The following EMP2 variants were observed in gnomAD, a reference collection of about 807,000 sequenced individuals.
The protein encoded by EMP2 is epithelial membrane protein 2.
Under a neutral mutation model 13.7 loss-of-function variants are expected in EMP2, and 19 were observed. The ratio of observed to expected loss-of-function variants is 1.38; its 90% CI spans 0.97 to 2.03. EMP2 has a LOEUF of 2.03. EMP2 is among the 30% of genes most tolerant of loss of function. The pLI, the probability that EMP2 is intolerant of heterozygous loss-of-function variation, is 0.00. For synonymous variants in EMP2, 97 were observed against 84.7 expected (o/e 1.15, Z -0.80); for missense variants, 253 against 220.7 (o/e 1.15, Z -0.93).
intron 1 of EMP2, among the ~76,000 whole-genome samples, chr16:10,568,459 C>T (rs571286126): frequency 2.0e-5 from 3 of 150,812 alleles, no homozygotes; most frequent in East Asian, 1.9e-4. Flanking sequence ...GCTTTTTTCA[C>T]GATGCCTCCT....
chr16:10,547,312 C>T (rs1380804587), intron 2 of EMP2: 7 of 505,898 alleles, frequency 1.4e-5, no homozygotes, highest in Middle Eastern at 5.1e-4. Flanking sequence ...TTCCCCTGCA[C>T]ACGCTCTCTT....
At chr16:10,542,108 T>C (rs1486686695) in intron 3 of EMP2, among the ~76,000 whole-genome samples, 1 of 152,090 alleles carries the variant, frequency 6.6e-6, no homozygotes, top group Non-Finnish European at 1.5e-5. Context: ...GAATATCCGA[T>C]GGACAACAAA....
intron 1 of EMP2, among the ~76,000 whole-genome samples, chr16:10,575,234 A>ATTTTTT (rs1261477826): frequency 7.5e-5 from 4 of 53,368 alleles, no homozygotes; most frequent in East Asian, 9.3e-4. Flanking sequence ...TGGAGCTTGC[A>ATTTTTT]TTCTTTTTTT....
chr16:10,541,405 G>GT (rs1278818788), intron 3 of EMP2, among the ~76,000 whole-genome samples: 1 of 152,070 alleles, frequency 6.6e-6, no homozygotes, highest in African/African-American at 2.4e-5. Flanking sequence ...TTGTTTTTAG[G>GT]GGTGTGTGTG....
chr16:10,539,436 C>A (rs777074951), intron 3 of EMP2, among the ~76,000 whole-genome samples: 1 of 152,064 alleles, frequency 6.6e-6, no homozygotes, highest in Non-Finnish European at 1.5e-5. Flanking sequence ...GGAGTCAGAC[C>A]GGCTCCCCCA....
intron 1 of EMP2, among the ~76,000 whole-genome samples, chr16:10,566,383 C>G (rs755287768): frequency 1.3e-5 from 2 of 152,194 alleles, no homozygotes; most frequent in Admixed American, 6.5e-5. Context: ...AGGCTGTTGC[C>G]TGCCATAGGA....
chr16:10,540,655 G>GA (rs1278622585), intron 3 of EMP2, among the ~76,000 whole-genome samples: 3 of 152,126 alleles, frequency 2.0e-5, no homozygotes, highest in African/African-American at 7.2e-5. Context: ...AAAAGGACCA[G>GA]AAACAGGCTT....
chr16:10,532,743 T>TTTTTTTC lies in EMP2; in HGVS notation c.*161_*162insGAAAAAA, dbSNP rs2050613845. On this transcript the variant is annotated 3_prime_UTR_variant, in exon 5 of 5. Transcript: ENST00000359543. ...CAAAAACTCTTCTCTCTTTTGGATTTTTTTTTTCTTTTTTCTTTTTTTTTT... is the reference window on the plus strand; with the variant it reads ...CAAAAACTCTTCTCTCTTTTGGATTTTTTTTTCTTTTTTTCTTTTTTCTTTTTTTTTT... The TTTTTTTC allele has an allele frequency of 2.5e-6, 1 of 402,120 alleles. No individual in the cohort carries two copies. The highest frequency in any genetic ancestry group is 3.6e-6 in the Non-Finnish European group (1 of 278,788). The allele number at this position is 402,120 out of a possible 1,614,324, so 24.9% of individuals were successfully genotyped here. A position where few individuals can be genotyped will look rare whatever the true frequency, so the allele number is the denominator to read the frequency against.
chr16:10,569,456 C>T (rs1219149141), intron 1 of EMP2, among the ~76,000 whole-genome samples: 1 of 152,138 alleles, frequency 6.6e-6, no homozygotes. Flanking sequence ...CCTCAGCCTC[C>T]TACAGGTGCA....
intron 1 of EMP2, among the ~76,000 whole-genome samples, chr16:10,554,795 C>G (rs1257151739): frequency 6.6e-6 from 1 of 152,100 alleles, no homozygotes; most frequent in Non-Finnish European, 1.5e-5. Flanking sequence ...CTGGAGCGGT[C>G]TCTCCGTTTC....
At chr16:10,554,689 A>G (rs1180624188) in intron 1 of EMP2, among the ~76,000 whole-genome samples, 1 of 151,510 alleles carries the variant, frequency 6.6e-6, no homozygotes, top group Non-Finnish European at 1.5e-5. Flanking sequence ...CCCCCACCAC[A>G]CCCCAACCCC....
At chr16:10,569,484 A>G (rs530901512) in intron 1 of EMP2, among the ~76,000 whole-genome samples, 1 of 151,868 alleles carries the variant, frequency 6.6e-6, no homozygotes, top group Admixed American at 6.6e-5. Context: ...ATACCTGGGT[A>G]ATTTTTTTAT....
At chr16:10,557,510 A>G (rs7187654) in intron 1 of EMP2, among the ~76,000 whole-genome samples, 47,788 of 152,108 alleles carry the variant, frequency 0.31, 8,514 homozygotes, top group Non-Finnish European at 0.4. Context: ...TGGATTATGG[A>G]TAAAGTTTTT....
At chr16:10,572,937 T>G (rs2050957863) in intron 1 of EMP2, among the ~76,000 whole-genome samples, 1 of 152,200 alleles carries the variant, frequency 6.6e-6, no homozygotes, top group South Asian at 2.1e-4. Flanking sequence ...AAGACAAATG[T>G]CCACTATAAG....
At position 10,531,747 on chromosome 16, in the gene EMP2, TGATGAATGAATGAATG is replaced by T. The variant is rs1412245094; in HGVS notation, c.*1142_*1157del. 1 of 112,574 alleles carries T rather than the reference TGATGAATGAATGAATG, an allele frequency of 8.9e-6. No individual in the cohort carries two copies. Among genetic ancestry groups the T allele is most frequent in the Non-Finnish European group, 1.9e-5 (1 of 53,502 alleles). The allele number at this position is 112,574 out of a possible 1,614,324, so 7.0% of individuals were successfully genotyped here. A position where few individuals can be genotyped will look rare whatever the true frequency, so the allele number is the denominator to read the frequency against. Reference sequence around the variant, plus strand: ...CATGCATGCAAGTTATGATTTATGTTGATGAATGAATGAATGAATGAATGAATGAATGAATGAATGA... The same window carrying T: ...CATGCATGCAAGTTATGATTTATGTTAATGAATGAATGAATGAATGAATGA... On this transcript the variant is annotated 3_prime_UTR_variant, in exon 5 of 5. Transcript: ENST00000359543.
Position 10,543,632 on chromosome 16 carries a change from G to C in EMP2, c.107C>G (p.Ala36Gly). The C allele has an allele frequency of 1.2e-6, 2 of 1,614,166 alleles. No individual in the cohort carries two copies. Among genetic ancestry groups the C allele is most frequent in the Non-Finnish European group, 1.7e-6 (2 of 1,179,998 alleles). Residue 36 changes from alanine to glycine, a missense_variant, in exon 3 of 5, where the codon GCA (alanine) becomes GGA (glycine). Physicochemically the swap from Ala to Gly is moderately conservative, Grantham distance 60 (BLOSUM62 0). Coordinates refer to ENST00000359543, the MANE Select transcript of EMP2 (RefSeq NM_001424.6). ...GTTGGTACATATTCTCCAGACATCT[G>C]CAAAAAACTCATCTCCTACCCACCA... is the stretch of plus-strand genomic sequence containing the variant. ...NAWWVGDEFF[A>G]DVWRICTNNT...
At chr16:10,568,409 G>A (rs2050923838) in intron 1 of EMP2, among the ~76,000 whole-genome samples, 1 of 152,106 alleles carries the variant, frequency 6.6e-6, no homozygotes, top group African/African-American at 2.4e-5. Context: ...GTATTCACAG[G>A]TGCCTCTCAG....
rs74495142 is a variant in EMP2 at position 10,558,820 on chromosome 16, G to C, written c.-60-11143C>G. On this transcript the variant is annotated intron_variant, in intron 1 of 4. Coordinates refer to ENST00000359543, the MANE Select transcript of EMP2 (RefSeq NM_001424.6). ...AGTCAGAGAGCCCAGCTGGCTTCCC[G>C]CGGAGAGAGAACGTGCTGTTAAGAT... 3.9e-5 allele frequency among the ~76,000 whole-genome samples: 6 copies of C among 152,124 alleles called. No homozygotes were observed. In the East Asian group the frequency reaches 1.2e-3, roughly 29 times the overall value.
chr16:10,538,726 C>T (rs2050670218), intron 3 of EMP2, among the ~76,000 whole-genome samples: 1 of 152,096 alleles, frequency 6.6e-6, no homozygotes, highest in Admixed American at 6.6e-5. Context: ...CACAGTGAGG[C>T]TAATGTGTAG....
Sources: gnomAD v4.1 joint callset for allele counts (sites outside exome capture counted in the v4.1 genomes callset) on GRCh38, gnomAD v4.1.1 for gene constraint, MANE v1.5 for transcripts, NCBI Gene and HGNC (gene_info 2026-07-23, HGNC 2026-07-21) for gene names.